Variants in DOCK1 observed in about 807,000 individuals in gnomAD.
DOCK1 encodes the protein dedicator of cytokinesis protein 1.
DOCK1 carries 138 observed loss-of-function variants against 262.7 expected under a neutral mutation model. That is an observed-to-expected ratio of 0.53 (90% CI 0.46 to 0.61). The LOEUF is 0.61. Ranked by LOEUF, DOCK1 falls within the 20% of genes least tolerant of loss-of-function variation. DOCK1 has a pLI of 0.00. For missense variants in DOCK1, 1,908 were observed against 2,370.7 expected (o/e 0.80, Z 4.05); for synonymous variants, 866 against 867.4 (o/e 1.00, Z 0.03).
At chr10:127,099,268 G>A (rs752775773) in intron 23 of DOCK1, among the ~76,000 whole-genome samples, 30 of 152,294 alleles carry the variant, frequency 2.0e-4, no homozygotes, top group South Asian at 4.1e-4. Flanking sequence ...CCTCTGTGAG[G>A]ACAGAAGGAG....
At chr10:127,047,539 T>C (rs1487235782) in intron 21 of DOCK1, among the ~76,000 whole-genome samples, 1 of 152,238 alleles carries the variant, frequency 6.6e-6, no homozygotes. Flanking sequence ...AAAATTGTTA[T>C]AATTTGCATA....
At chr10:127,011,044 G>GA in intron 11 of DOCK1, among the ~76,000 whole-genome samples, 1 of 152,340 alleles carries the variant, frequency 6.6e-6, no homozygotes, top group East Asian at 1.9e-4. Flanking sequence ...TGAGTTGTTT[G>GA]AGATTGCCTG....
intron 33 of DOCK1, among the ~76,000 whole-genome samples, chr10:127,365,625 T>A (rs554949102): frequency 2.6e-5 from 4 of 152,330 alleles, no homozygotes; most frequent in Non-Finnish European, 5.9e-5. Flanking sequence ...CATCATTCTA[T>A]TTGTCATTTT....
At chr10:126,993,003 C>T (rs1161588600) in intron 6 of DOCK1, among the ~76,000 whole-genome samples, 4 of 152,236 alleles carry the variant, frequency 2.6e-5, no homozygotes, top group African/African-American at 9.6e-5. Flanking sequence ...CAGGCCACTT[C>T]GTTTGATGGT....
At chr10:127,359,366 C>A (rs2133905958) in intron 32 of DOCK1, among the ~76,000 whole-genome samples, 1 of 152,318 alleles carries the variant, frequency 6.6e-6, no homozygotes, top group East Asian at 1.9e-4. Context: ...CTTCTACAAC[C>A]ACTTGTGACT....
At chr10:126,968,682 A>AT (rs1286137395) in intron 1 of DOCK1, among the ~76,000 whole-genome samples, 1 of 152,166 alleles carries the variant, frequency 6.6e-6, no homozygotes, top group Non-Finnish European at 1.5e-5. Context: ...CTAGAACAGA[A>AT]TAGGTGTGCT....
chr10:126,906,484 C>T (rs1250400554), intron 1 of DOCK1, among the ~76,000 whole-genome samples: 1 of 152,208 alleles, frequency 6.6e-6, no homozygotes, highest in African/African-American at 2.4e-5. Flanking sequence ...GGTCCGGGAT[C>T]TTCCCAGTTG....
intron 29 of DOCK1, among the ~76,000 whole-genome samples, chr10:127,328,241 C>T (rs866151903): frequency 4.6e-5 from 7 of 152,064 alleles, no homozygotes; most frequent in Non-Finnish European, 7.4e-5. Context: ...AAAATGAACC[C>T]GGATAAATTT....
chr10:126,952,213 C>T (rs921339864), intron 1 of DOCK1, among the ~76,000 whole-genome samples: 94 of 151,690 alleles, frequency 6.2e-4, no homozygotes, highest in African/African-American at 1.6e-3. Context: ...GTTGGTGATA[C>T]GGTAGTATTG....
chr10:127,371,382 C>T lies in DOCK1; in HGVS notation c.3433-2399C>T, dbSNP rs145162340. ...CCACTCATCCACCTTTGTTGGAAAT[C>T]ATTAAGTTCATCAGTCAGAATTTGA... is the stretch of plus-strand genomic sequence containing the variant. On this transcript the variant is annotated intron_variant, in intron 33 of 51. Coordinates refer to ENST00000623213, the MANE Select transcript of DOCK1 (RefSeq NM_001290223.2). Among the ~76,000 whole-genome samples the T allele has an allele frequency of 1.9e-3, 284 of 152,312 alleles. 1 individual carries two copies. Among genetic ancestry groups the T allele is most frequent in the African/African-American group, 6.5e-3 (272 of 41,566 alleles).
intron 2 of DOCK1, among the ~76,000 whole-genome samples, chr10:126,975,784 A>ATT (rs35799229): frequency 3.8e-4 from 56 of 146,490 alleles, no homozygotes; most frequent in Middle Eastern, 3.5e-3. Flanking sequence ...CGCCCAGCCA[A>ATT]TTTTTTTTTT....
chr10:127,350,996 G>C (rs1373988063), intron 31 of DOCK1, among the ~76,000 whole-genome samples: 3 of 152,182 alleles, frequency 2.0e-5, no homozygotes, highest in African/African-American at 7.2e-5. Flanking sequence ...CTGAGGGTCA[G>C]AGTGGTCAAG....
At chr10:127,355,749 C>G (rs1184350628) in intron 32 of DOCK1, among the ~76,000 whole-genome samples, 1 of 152,236 alleles carries the variant, frequency 6.6e-6, no homozygotes, top group African/African-American at 2.4e-5. Flanking sequence ...AACTTAGCTG[C>G]ACCCCAGCCT....
At chr10:127,039,251 G>T (rs764446267) in intron 19 of DOCK1, among the ~76,000 whole-genome samples, 1 of 149,506 alleles carries the variant, frequency 6.7e-6, no homozygotes, top group Admixed American at 6.8e-5. Context: ...AAACTTCCCT[G>T]TGTTCTGTAA....
chr10:127,449,311 TA>T (rs1202149389), intron 51 of DOCK1, among the ~76,000 whole-genome samples: 3 of 152,162 alleles, frequency 2.0e-5, no homozygotes, highest in Non-Finnish European at 4.4e-5. Flanking sequence ...CTCTTCTCTC[TA>T]TTTTATTGCA....
chr10:126,985,270 C>T (rs113692395), intron 4 of DOCK1, among the ~76,000 whole-genome samples: 7,175 of 152,202 alleles, frequency 0.047, 262 homozygotes, highest in African/African-American at 0.099. Context: ...CGTGAGCCAC[C>T]GCGTGGAGCC....
chr10:127,100,185 G>A lies in DOCK1; in HGVS notation c.2446-6046G>A, dbSNP rs1251942059. Among the ~76,000 whole-genome samples, 1 of 152,208 alleles carries A rather than the reference G, an allele frequency of 6.6e-6. No individual in the cohort carries two copies. The highest frequency in any genetic ancestry group is 2.4e-5 in the African/African-American group (1 of 41,456). Reference sequence around the variant, plus strand: ...GGCTGCTCTGGCTGCCCAGTGAGGAGTGTCCTTGAGGGGTCAGCGTGGAGG... The same window carrying A: ...GGCTGCTCTGGCTGCCCAGTGAGGAATGTCCTTGAGGGGTCAGCGTGGAGG... On this transcript the variant is annotated intron_variant, in intron 23 of 51. Coordinates refer to ENST00000623213, the MANE Select transcript of DOCK1 (RefSeq NM_001290223.2). This position sits in a 1 kb window ranked among gnomAD's most constrained non-coding sequence, Gnocchi z 5.5.
chr10:127,149,043 G>C (rs558162115), intron 27 of DOCK1, among the ~76,000 whole-genome samples: 6 of 152,332 alleles, frequency 3.9e-5, no homozygotes, highest in Non-Finnish European at 7.3e-5. Context: ...TCAGCTCTGA[G>C]TCAATAGATT....
At chr10:127,345,469 G>A (rs931111822) in intron 31 of DOCK1, among the ~76,000 whole-genome samples, 1 of 152,104 alleles carries the variant, frequency 6.6e-6, no homozygotes, top group African/African-American at 2.4e-5. Flanking sequence ...TAGAACCTTC[G>A]AGCTTTTGGT....
Sources: allele counts gnomAD v4.1 joint callset (sites outside exome capture counted in the v4.1 genomes callset), GRCh38; gene constraint gnomAD v4.1.1; non-coding constraint Gnocchi (gnomAD v3.1); transcripts MANE v1.5; gene names NCBI Gene and HGNC (gene_info 2026-07-23, HGNC 2026-07-21).